PTPRR: variants seen among roughly 807,000 people sequenced by gnomAD.
The protein encoded by PTPRR is protein tyrosine phosphatase receptor type R.
Under a neutral mutation model 77.2 loss-of-function variants are expected in PTPRR, and 38 were observed. That is an observed-to-expected ratio of 0.49 (90% CI 0.38 to 0.65). The LOEUF (loss-of-function observed/expected upper bound fraction) is 0.65. PTPRR is among the 30% of genes least tolerant of loss of function. The pLI, the probability that PTPRR is intolerant of heterozygous loss-of-function variation, is 0.00. For missense variants in PTPRR, 744 were observed against 799.2 expected (o/e 0.93, Z 0.83); for synonymous variants, 299 against 283.1 (o/e 1.06, Z -0.57).
chr12:70,910,536 T>C (rs1479082640), intron 1 of PTPRR, among the ~76,000 whole-genome samples: 1 of 152,220 alleles, frequency 6.6e-6, no homozygotes, highest in Non-Finnish European at 1.5e-5. Flanking sequence ...CTTTTCCATA[T>C]GAAATTCAAT....
intron 2 of PTPRR, chr12:70,788,838 T>C (rs1284861655): frequency 6.6e-7 from 1 of 1,525,318 alleles, no homozygotes; most frequent in East Asian, 2.5e-5. Context: ...TGACTGCATG[T>C]TGTGATGAAG....
chr12:70,910,946 G>T (rs1357918008), intron 1 of PTPRR, among the ~76,000 whole-genome samples: 1 of 152,150 alleles, frequency 6.6e-6, no homozygotes, highest in Admixed American at 6.5e-5. Context: ...GAGTTTTCTT[G>T]TGAACTATGG....
intron 10 of PTPRR, among the ~76,000 whole-genome samples, chr12:70,671,215 C>T (rs899723548): frequency 1.3e-5 from 2 of 152,104 alleles, no homozygotes; most frequent in Non-Finnish European, 2.9e-5. Context: ...CCAGACTTCT[C>T]AGTATCATTT....
chr12:70,756,371 A>G (rs1039595509), intron 4 of PTPRR, among the ~76,000 whole-genome samples: 4 of 151,962 alleles, frequency 2.6e-5, no homozygotes, highest in Non-Finnish European at 5.9e-5. Context: ...GCTGAACACT[A>G]CTATATTTGT....
intron 6 of PTPRR, among the ~76,000 whole-genome samples, chr12:70,707,959 C>T (rs894742771): frequency 2.0e-5 from 3 of 152,020 alleles, no homozygotes; most frequent in Non-Finnish European, 2.9e-5. Flanking sequence ...TCTCCATCCT[C>T]ATCTCCTGTC....
At chr12:70,800,397 G>C (rs1209345179) in intron 2 of PTPRR, among the ~76,000 whole-genome samples, 4 of 151,844 alleles carry the variant, frequency 2.6e-5, no homozygotes, top group Admixed American at 6.6e-5. Flanking sequence ...GGGCAAAAAA[G>C]GATGGGGCTA....
At chr12:70,825,863 G>A (rs1892099698) in intron 2 of PTPRR, among the ~76,000 whole-genome samples, 1 of 152,180 alleles carries the variant, frequency 6.6e-6, no homozygotes, top group South Asian at 2.1e-4. Flanking sequence ...ACAACGTAAG[G>A]CAAAGTGGCT....
intron 6 of PTPRR, among the ~76,000 whole-genome samples, chr12:70,738,600 G>A (rs1889949940): frequency 6.6e-6 from 1 of 152,204 alleles, no homozygotes; most frequent in Non-Finnish European, 1.5e-5. Flanking sequence ...GTAGCCCAAA[G>A]GGAAAATGTG....
chr12:70,750,099 A>G (rs1592730929), intron 5 of PTPRR, among the ~76,000 whole-genome samples: 2 of 152,298 alleles, frequency 1.3e-5, no homozygotes, highest in South Asian at 4.1e-4. Flanking sequence ...GAGGTGCTAA[A>G]TAAGTCAGCA....
chr12:70,824,131 G>A (rs191770157), intron 2 of PTPRR, among the ~76,000 whole-genome samples: 13 of 152,292 alleles, frequency 8.5e-5, no homozygotes, highest in Admixed American at 2.6e-4. Context: ...CAGGTTAGGC[G>A]CTCTTCTTCT....
chr12:70,863,552 A>G (rs932586971), intron 2 of PTPRR, among the ~76,000 whole-genome samples: 2 of 152,156 alleles, frequency 1.3e-5, no homozygotes, highest in Admixed American at 6.5e-5. Flanking sequence ...AGCATATTAT[A>G]AATATAAGTA....
intron 2 of PTPRR, among the ~76,000 whole-genome samples, chr12:70,775,450 T>G (rs949222599): frequency 2.6e-5 from 4 of 152,216 alleles, no homozygotes; most frequent in African/African-American, 9.6e-5. Context: ...AGCATTATGT[T>G]TGAATTATAA....
chr12:70,711,691 AAAGTT>A (rs948394381), intron 6 of PTPRR, among the ~76,000 whole-genome samples: 100 of 152,152 alleles, frequency 6.6e-4, no homozygotes, highest in African/African-American at 2.0e-3. Context: ...AAACATTTAT[AAAGTT>A]AAGTATTCAC....
chr12:70,809,084 C>A (rs960828836), intron 2 of PTPRR, among the ~76,000 whole-genome samples: 7 of 152,156 alleles, frequency 4.6e-5, no homozygotes, highest in Admixed American at 1.3e-4. Context: ...TTTCTGCAGC[C>A]TTCCTTACAG....
chr12:70,659,244 G>C (rs527403263), intron 12 of PTPRR, among the ~76,000 whole-genome samples: 1 of 152,048 alleles, frequency 6.6e-6, no homozygotes, highest in Non-Finnish European at 1.5e-5. Flanking sequence ...AAGGTGAGAC[G>C]GAGAAAGGGC....
Position 70,668,161 on chromosome 12 carries a change from C to A in PTPRR, c.1498-5556G>T, listed in dbSNP as rs147180620. On this transcript the variant is annotated intron_variant, in intron 10 of 13. Transcript: ENST00000283228. Reference sequence around the variant, plus strand: ...TTGCACTGTAGACTATCCTTTCCCACCATAAGTGGATTCCAGGCAGCAGCA... The same window carrying A: ...TTGCACTGTAGACTATCCTTTCCCAACATAAGTGGATTCCAGGCAGCAGCA... 6.6e-5 allele frequency among the ~76,000 whole-genome samples: 10 copies of A among 152,122 alleles called. No homozygotes were observed. In the East Asian group the frequency reaches 1.7e-3, roughly 27 times the overall value.
chr12:70,798,320 T>C lies in PTPRR; in HGVS notation c.358-33542A>G, dbSNP rs573178682. On this transcript the variant is annotated intron_variant, in intron 2 of 13. Transcript: ENST00000283228. Reference sequence around the variant, plus strand: ...CACCAAATTCAACTACTGTCATCTATGTCTTGGGATACTATTATAGCATCC... The same window carrying C: ...CACCAAATTCAACTACTGTCATCTACGTCTTGGGATACTATTATAGCATCC... Among the ~76,000 whole-genome samples, 99 of 152,334 alleles carry C rather than the reference T, an allele frequency of 6.5e-4. 1 individual carries two copies. The highest frequency in any genetic ancestry group is 2.4e-3 in the African/African-American group (98 of 41,592).
rs537500817 is a variant in PTPRR at position 70,719,741 on chromosome 12, A to C, written c.1008-18418T>G. Among the ~76,000 whole-genome samples the C allele has an allele frequency of 2.3e-3, 351 of 152,286 alleles. 1 individual carries two copies. Among genetic ancestry groups the C allele is most frequent in the African/African-American group, 8.1e-3 (337 of 41,564 alleles). ...AAGAGCATCTGCAGTCTGAACCCAC[A>C]GTGACTGCGCGTCTTCTCTGGATGC... On this transcript the variant is annotated intron_variant, in intron 6 of 13. Coordinates refer to ENST00000283228, the MANE Select transcript of PTPRR (RefSeq NM_002849.4).
chr12:70,831,595 A>G (rs148205369), intron 2 of PTPRR, among the ~76,000 whole-genome samples: 1 of 152,188 alleles, frequency 6.6e-6, no homozygotes, highest in Non-Finnish European at 1.5e-5. Flanking sequence ...GTTGTTACAA[A>G]TGCTACAAAA....
Sources: allele counts gnomAD v4.1 joint callset (sites outside exome capture counted in the v4.1 genomes callset), GRCh38; gene constraint gnomAD v4.1.1; transcripts MANE v1.5; gene names NCBI Gene and HGNC (gene_info 2026-07-23, HGNC 2026-07-21).